The following UST variants were observed in gnomAD, a reference collection of about 807,000 sequenced individuals.
The protein encoded by UST is uronyl 2-sulfotransferase, also known as chondroitin sulfate 2-O-sulfotransferase.
UST carries 21 observed loss-of-function variants against 45.6 expected under a neutral mutation model. That is an observed-to-expected ratio of 0.46 (90% confidence interval 0.33 to 0.66). The LOEUF (loss-of-function observed/expected upper bound fraction) is 0.66. UST is among the 30% of genes least tolerant of loss of function. The pLI is 0.02. For synonymous variants in UST, 215 were observed against 200.6 expected (o/e 1.07, Z -0.61); for missense variants, 463 against 512.4 (o/e 0.90, Z 0.93).
chr6:148,939,033 G>T (rs903919277), intron 2 of UST, among the ~76,000 whole-genome samples: 4 of 152,054 alleles, frequency 2.6e-5, no homozygotes, highest in African/African-American at 9.6e-5. Flanking sequence ...CAAGATTGTG[G>T]AATATAAGAT....
chr6:148,864,087 G>C (rs991727094), intron 1 of UST, among the ~76,000 whole-genome samples: 2 of 152,216 alleles, frequency 1.3e-5, no homozygotes, highest in East Asian at 3.8e-4. Context: ...GTTCAGCTGT[G>C]CCCTGCCCCC....
At chr6:148,974,355 TA>T (rs1780976351) in intron 5 of UST, among the ~76,000 whole-genome samples, 1 of 151,970 alleles carries the variant, frequency 6.6e-6, no homozygotes. Context: ...ATACAATAAA[TA>T]ATCTAGCCTG....
intron 7 of UST, among the ~76,000 whole-genome samples, chr6:149,071,816 A>G (rs1016162384): frequency 3.9e-5 from 6 of 152,214 alleles, no homozygotes; most frequent in Non-Finnish European, 7.3e-5. Context: ...ACCCCACTTC[A>G]AAAATGGGCA....
At chr6:148,861,547 A>C (rs1778313129) in intron 1 of UST, among the ~76,000 whole-genome samples, 1 of 151,914 alleles carries the variant, frequency 6.6e-6, no homozygotes, top group Non-Finnish European at 1.5e-5. Context: ...TAGGTTTTGA[A>C]TGTGTTTGCT....
At chr6:148,816,851 T>C (rs1422107684) in intron 1 of UST, among the ~76,000 whole-genome samples, 1 of 152,214 alleles carries the variant, frequency 6.6e-6, no homozygotes, top group Non-Finnish European at 1.5e-5. Context: ...CTGGAATGAA[T>C]ATATCTCTCT....
At chr6:148,820,921 GGATCATGTATTAC>G (rs1777449474) in intron 1 of UST, among the ~76,000 whole-genome samples, 1 of 149,826 alleles carries the variant, frequency 6.7e-6, no homozygotes, top group African/African-American at 2.5e-5. Flanking sequence ...ATCTGATCCA[GGATCATGTATTAC>G]ATGTAATTGT....
intron 1 of UST, among the ~76,000 whole-genome samples, chr6:148,838,620 CATGGT>C (rs1777835709): frequency 6.6e-6 from 1 of 152,108 alleles, no homozygotes; most frequent in Non-Finnish European, 1.5e-5. Flanking sequence ...TTGGGCCAGG[CATGGT>C]GGCTCAAGCC....
At chr6:148,973,262 C>A (rs1780954827) in intron 5 of UST, among the ~76,000 whole-genome samples, 3 of 152,146 alleles carry the variant, frequency 2.0e-5, no homozygotes, top group South Asian at 4.1e-4. Context: ...CCAAGGTGTG[C>A]ATTATAGTAT....
chr6:148,890,644 C>G (rs1298700655), intron 2 of UST, among the ~76,000 whole-genome samples: 1 of 152,152 alleles, frequency 6.6e-6, no homozygotes, highest in East Asian at 1.9e-4. Context: ...GTGTGCCACA[C>G]AACACATACT....
intron 1 of UST, among the ~76,000 whole-genome samples, chr6:148,794,673 C>T (rs1383766279): frequency 6.6e-6 from 1 of 152,202 alleles, no homozygotes; most frequent in Admixed American, 6.5e-5. Context: ...ATTTACCTAG[C>T]TCTGGCCAGA....
intron 1 of UST, among the ~76,000 whole-genome samples, chr6:148,759,029 A>T (rs1208259316): frequency 6.6e-6 from 1 of 152,216 alleles, no homozygotes; most frequent in East Asian, 1.9e-4. Context: ...CCCGACAATA[A>T]GTCAGTTGTC....
At chr6:148,857,446 G>A (rs1778226097) in intron 1 of UST, among the ~76,000 whole-genome samples, 1 of 152,118 alleles carries the variant, frequency 6.6e-6, no homozygotes, top group African/African-American at 2.4e-5. Flanking sequence ...TCCCGTGAAT[G>A]CACAGTCAAT....
At chr6:148,893,902 G>A (rs11758175) in intron 2 of UST, among the ~76,000 whole-genome samples, 3 of 151,906 alleles carry the variant, frequency 2.0e-5, no homozygotes, top group Non-Finnish European at 4.4e-5. Context: ...CCTCTAATCC[G>A]AGCACTTTTG....
intron 1 of UST, among the ~76,000 whole-genome samples, chr6:148,837,636 C>A (rs1777810815): frequency 6.6e-6 from 1 of 151,824 alleles, no homozygotes; most frequent in Non-Finnish European, 1.5e-5. Flanking sequence ...AAGTACAAAG[C>A]ACTTTTCTGG....
At chr6:148,874,270 A>G (rs1307812599) in intron 1 of UST, among the ~76,000 whole-genome samples, 1 of 152,268 alleles carries the variant, frequency 6.6e-6, no homozygotes, top group African/African-American at 2.4e-5. Context: ...GCAGTAGTGC[A>G]CTGATCATTT....
chr6:148,890,049 T>C (rs954458113), intron 2 of UST, among the ~76,000 whole-genome samples: 1 of 152,246 alleles, frequency 6.6e-6, no homozygotes. Flanking sequence ...ATAATCTCTT[T>C]AAATCAGCAG....
intron 5 of UST, among the ~76,000 whole-genome samples, chr6:149,009,985 T>G (rs1173529264): frequency 6.6e-6 from 1 of 151,858 alleles, no homozygotes; most frequent in Non-Finnish European, 1.5e-5. Context: ...AAATTTATTT[T>G]CTTCCCATCT....
At chr6:149,028,791 A>G (rs998834891) in intron 7 of UST, among the ~76,000 whole-genome samples, 6 of 152,192 alleles carry the variant, frequency 3.9e-5, no homozygotes, top group Admixed American at 1.3e-4. Flanking sequence ...TTTTCACTAA[A>G]TGAAACCCAC....
At chr6:149,031,209 A>T (rs1035607865) in intron 7 of UST, among the ~76,000 whole-genome samples, 14 of 73,678 alleles carry the variant, frequency 1.9e-4, no homozygotes, top group African/African-American at 1.2e-3. Context: ...TCATCTCAAA[A>T]AAAAAAAAAA....
Sources: gnomAD v4.1 joint callset for allele counts (sites outside exome capture counted in the v4.1 genomes callset) on GRCh38, gnomAD v4.1.1 for gene constraint, MANE v1.5 for transcripts, NCBI Gene and HGNC (gene_info 2026-07-23, HGNC 2026-07-21) for gene names.